The following EML6 variants were observed in gnomAD, a reference collection of about 807,000 sequenced individuals.
EML6 encodes echinoderm microtubule-associated protein-like 6.
Under a neutral mutation model 240.1 loss-of-function variants are expected in EML6, and 154 were observed. The ratio of observed to expected loss-of-function variants is 0.64; its 90% confidence interval spans 0.56 to 0.73. The LOEUF (loss-of-function observed/expected upper bound fraction) is 0.73, where lower values mean the gene tolerates loss of function less well. Ranked by LOEUF, EML6 falls within the 30% of genes least tolerant of loss-of-function variation. EML6 has a pLI of 0.00. For missense variants in EML6, 2,964 were observed against 2,474.6 expected (o/e 1.20, Z -4.20); for synonymous variants, 1,148 against 899.0 (o/e 1.28, Z -4.95).
At chr2:54,776,382 A>G (rs943555440) in intron 2 of EML6, among the ~76,000 whole-genome samples, 1 of 152,086 alleles carries the variant, frequency 6.6e-6, no homozygotes, top group East Asian at 1.9e-4. Flanking sequence ...TTGTCTTTAT[A>G]CATTTTGCGA....
chr2:54,780,957 T>C (rs577715144), intron 2 of EML6, among the ~76,000 whole-genome samples: 2 of 152,358 alleles, frequency 1.3e-5, no homozygotes, highest in African/African-American at 4.8e-5. Flanking sequence ...AAGAAAGGAA[T>C]TATTAGCTCT....
At chr2:54,749,564 A>G (rs891879726) in intron 2 of EML6, among the ~76,000 whole-genome samples, 2 of 152,148 alleles carry the variant, frequency 1.3e-5, no homozygotes, top group East Asian at 3.8e-4. Context: ...TATATACTTC[A>G]TATATATGTG....
chr2:54,831,341 A>C (rs1668858766), intron 7 of EML6, among the ~76,000 whole-genome samples: 1 of 152,192 alleles, frequency 6.6e-6, no homozygotes. Flanking sequence ...CTAAGAAGCC[A>C]TTGGTTTACG....
At chr2:54,887,827 C>T (rs936716941) in intron 17 of EML6, among the ~76,000 whole-genome samples, 2 of 152,126 alleles carry the variant, frequency 1.3e-5, no homozygotes, top group African/African-American at 4.8e-5. Context: ...CCATTACCTC[C>T]TGCCTCCTCA....
intron 2 of EML6, among the ~76,000 whole-genome samples, chr2:54,801,128 G>A (rs887729550): frequency 6.6e-6 from 1 of 151,892 alleles, no homozygotes; most frequent in African/African-American, 2.4e-5. Context: ...AGACCATCCT[G>A]GCTAATACAG....
intron 2 of EML6, among the ~76,000 whole-genome samples, chr2:54,781,212 C>T (rs2103850719): frequency 6.6e-6 from 1 of 152,306 alleles, no homozygotes; most frequent in Admixed American, 6.5e-5. Flanking sequence ...CAGGGACACA[C>T]AGCTAGTGAG....
At chr2:54,891,243 C>CT in intron 18 of EML6, 89 bp downstream of exon 18, 1 of 601,788 alleles carries the variant, frequency 1.7e-6, no homozygotes, top group Non-Finnish European at 2.9e-6. Context: ...TACTACCTCG[C>CT]TTGTCTCTGC....
chr2:54,966,554 C>T (rs984690247), intron 38 of EML6, among the ~76,000 whole-genome samples: 2 of 152,298 alleles, frequency 1.3e-5, no homozygotes, highest in Admixed American at 6.5e-5. Context: ...AGAAACCTGC[C>T]TTACCTCTGT....
At chr2:54,847,879 G>A (rs1048995338) in intron 9 of EML6, among the ~76,000 whole-genome samples, 1 of 152,172 alleles carries the variant, frequency 6.6e-6, no homozygotes, top group Admixed American at 6.5e-5. Context: ...TAATCTCTTA[G>A]TAGAAATAAT....
intron 28 of EML6, among the ~76,000 whole-genome samples, chr2:54,947,291 A>G (rs1179462072): frequency 1.3e-5 from 2 of 152,168 alleles, no homozygotes; most frequent in Non-Finnish European, 2.9e-5. Flanking sequence ...TCTAATTGTG[A>G]GAACTGGCAT....
At chr2:54,741,467 C>T (rs1420196646) in intron 2 of EML6, among the ~76,000 whole-genome samples, 1 of 152,162 alleles carries the variant, frequency 6.6e-6, no homozygotes, top group Non-Finnish European at 1.5e-5. Context: ...CACACACACA[C>T]ACTTCCTTGC....
At chr2:54,886,313 C>G (rs1441184065) in intron 17 of EML6, among the ~76,000 whole-genome samples, 1 of 151,622 alleles carries the variant, frequency 6.6e-6, no homozygotes, top group Non-Finnish European at 1.5e-5. Flanking sequence ...TTACAGGTGC[C>G]TGCCACCACG....
chr2:54,832,750 G>A (rs1291684393), intron 7 of EML6, among the ~76,000 whole-genome samples: 7 of 143,028 alleles, frequency 4.9e-5, no homozygotes, highest in Admixed American at 4.2e-4. Flanking sequence ...CCACCCCCCC[G>A]CCAACCCCTC....
At chr2:54,818,326 A>C (rs528222437) in intron 4 of EML6, among the ~76,000 whole-genome samples, 4 of 152,318 alleles carry the variant, frequency 2.6e-5, no homozygotes, top group African/African-American at 9.6e-5. Flanking sequence ...GTCTCTACAA[A>C]ATCAACTGCA....
intron 17 of EML6, among the ~76,000 whole-genome samples, chr2:54,884,934 G>A (rs950091376): frequency 1.1e-4 from 17 of 152,164 alleles, no homozygotes; most frequent in Admixed American, 1.1e-3. Flanking sequence ...AGCACTCTGG[G>A]AGGCTGAGGC....
intron 25 of EML6, among the ~76,000 whole-genome samples, chr2:54,913,520 C>G (rs1427144281): frequency 6.6e-6 from 1 of 152,048 alleles, no homozygotes; most frequent in Non-Finnish European, 1.5e-5. Flanking sequence ...TGCCTGTTGA[C>G]TTAAGTTCCT....
intron 21 of EML6, among the ~76,000 whole-genome samples, chr2:54,898,775 G>A (rs915980327): frequency 2.6e-5 from 4 of 152,106 alleles, no homozygotes; most frequent in African/African-American, 4.8e-5. Flanking sequence ...CCATTAAAAA[G>A]CCAAAATTCA....
intron 2 of EML6, among the ~76,000 whole-genome samples, chr2:54,743,962 T>C (rs1683780948): frequency 1.3e-5 from 2 of 152,186 alleles, no homozygotes; most frequent in South Asian, 2.1e-4. Flanking sequence ...GAACCCATTC[T>C]GGAAGAGATG....
intron 2 of EML6, among the ~76,000 whole-genome samples, chr2:54,768,078 A>G (rs1668260374): frequency 6.6e-6 from 1 of 152,188 alleles, no homozygotes; most frequent in South Asian, 2.1e-4. Context: ...GAAAGGGAAC[A>G]TTGTAGATGA....
Sources: gnomAD v4.1 joint callset for allele counts (sites outside exome capture counted in the v4.1 genomes callset) on GRCh38, gnomAD v4.1.1 for gene constraint, MANE v1.5 for transcripts, NCBI Gene and HGNC (gene_info 2026-07-23, HGNC 2026-07-21) for gene names.